The following ARID5B variants were observed in gnomAD, a reference collection of about 807,000 sequenced individuals.
The protein encoded by ARID5B is AT-rich interactive domain-containing protein 5B.
In ARID5B, 13 loss-of-function variants were observed where a neutral mutation model predicts 97.2. The ratio of observed to expected loss-of-function variants is 0.13; its 90% confidence interval spans 0.09 to 0.21. The LOEUF (loss-of-function observed/expected upper bound fraction) is 0.21. ARID5B is among the 10% of genes least tolerant of loss of function. ARID5B has a pLI of 1.00. For missense variants in ARID5B, 1,210 were observed against 1,465.3 expected (o/e 0.83, Z 2.84); for synonymous variants, 556 against 570.3 (o/e 0.97, Z 0.36).
At position 62,010,777 on chromosome 10, in the gene ARID5B, T is replaced by G. The variant is rs74159508; in HGVS notation, c.733+10456T>G. On this transcript the variant is annotated intron_variant, in intron 4 of 9. Coordinates refer to ENST00000279873, the MANE Select transcript of ARID5B (RefSeq NM_032199.3). ...TAGAAAATCAAGGAGCGTACTTAAG[T>G]CAGGACAAATGGTAGCCTGTATCCA... 2.6e-3 allele frequency among the ~76,000 whole-genome samples: 401 copies of G among 152,288 alleles called. 1 individual carries two copies. Among genetic ancestry groups the G allele is most frequent in the African/African-American group, 9.3e-3 (386 of 41,552 alleles).
At chr10:61,920,103 T>C (rs1470526941) in intron 2 of ARID5B, among the ~76,000 whole-genome samples, 1 of 152,148 alleles carries the variant, frequency 6.6e-6, no homozygotes, top group Non-Finnish European at 1.5e-5. Flanking sequence ...TATTGAGATA[T>C]CTCAGTTGTC....
intron 2 of ARID5B, among the ~76,000 whole-genome samples, chr10:61,914,545 G>A (rs929141743): frequency 7.9e-5 from 12 of 152,172 alleles, no homozygotes; most frequent in Non-Finnish European, 1.3e-4. Flanking sequence ...TCTTAAAACC[G>A]AATTCACGCT....
chr10:62,070,619 T>C (rs1332986808), intron 8 of ARID5B, among the ~76,000 whole-genome samples: 1 of 152,248 alleles, frequency 6.6e-6, no homozygotes, highest in Non-Finnish European at 1.5e-5. Flanking sequence ...TTTACTTTTA[T>C]CTGTATTGCA....
At chr10:62,018,353 G>A (rs889759095) in intron 4 of ARID5B, among the ~76,000 whole-genome samples, 3 of 152,160 alleles carry the variant, frequency 2.0e-5, no homozygotes, top group African/African-American at 7.2e-5. Flanking sequence ...GAAACCAGTG[G>A]GAAAGATAAG....
chr10:61,902,819 G>A (rs768906354), intron 2 of ARID5B, among the ~76,000 whole-genome samples: 32 of 151,714 alleles, frequency 2.1e-4, no homozygotes, highest in Non-Finnish European at 4.1e-4. Flanking sequence ...GTGTCTGGGT[G>A]GATTTCTTTC....
At chr10:61,995,183 G>A (rs1838979483) in intron 3 of ARID5B, among the ~76,000 whole-genome samples, 1 of 152,126 alleles carries the variant, frequency 6.6e-6, no homozygotes, top group Non-Finnish European at 1.5e-5. Flanking sequence ...GAAAATCTGT[G>A]TTCCAGGAAC....
intron 4 of ARID5B, among the ~76,000 whole-genome samples, chr10:62,022,369 G>A (rs1381237047): frequency 1.3e-5 from 2 of 152,186 alleles, no homozygotes; most frequent in Non-Finnish European, 2.9e-5. Flanking sequence ...GGAAGATAAG[G>A]GGGAAGGTCC....
In ARID5B at chr10:62,096,319, G is replaced by A. The variant is rs1840469671; in HGVS notation, c.*3289G>A. On this transcript the variant is annotated 3_prime_UTR_variant, in exon 10 of 10. Coordinates refer to ENST00000279873, the MANE Select transcript of ARID5B (RefSeq NM_032199.3). ...CCCACAAAAATATTTTATGTAGTGT[G>A]CCTTCAAAGAGAACCATTTATTTCT... 1 of 233,540 alleles carries A rather than the reference G, an allele frequency of 4.3e-6. No homozygotes were observed. Among genetic ancestry groups the A allele is most frequent in the Non-Finnish European group, 8.5e-6 (1 of 118,044 alleles). 14.5% of individuals were successfully genotyped at this position (233,540 alleles called of 1,614,324 possible).
chr10:61,987,383 C>T (rs145401388), intron 3 of ARID5B, among the ~76,000 whole-genome samples: 32 of 152,334 alleles, frequency 2.1e-4, no homozygotes, highest in Non-Finnish European at 4.0e-4. Flanking sequence ...AGACATGCTA[C>T]AGACCTAGCT....
chr10:62,035,858 C>A (rs1361770735), intron 4 of ARID5B, among the ~76,000 whole-genome samples: 1 of 151,988 alleles, frequency 6.6e-6, no homozygotes, highest in Non-Finnish European at 1.5e-5. Context: ...GAGTCTCGAT[C>A]TTGTCACCCA....
chr10:61,953,204 CAAAG>C (rs1838347188), intron 3 of ARID5B, among the ~76,000 whole-genome samples: 1 of 152,102 alleles, frequency 6.6e-6, no homozygotes, highest in Admixed American at 6.6e-5. Flanking sequence ...CTTTTGTTCA[CAAAG>C]AAAGTATTCT....
At chr10:62,006,118 T>G (rs942824160) in intron 4 of ARID5B, among the ~76,000 whole-genome samples, 1 of 152,176 alleles carries the variant, frequency 6.6e-6, no homozygotes. Context: ...GTTTTGGAAA[T>G]TTTCTAGAGG....
At chr10:62,027,318 T>C (rs1330738734) in intron 4 of ARID5B, among the ~76,000 whole-genome samples, 1 of 109,254 alleles carries the variant, frequency 9.2e-6, no homozygotes, top group Admixed American at 1.2e-4. Flanking sequence ...TTTTTTTTTT[T>C]TTTTTTTTGA....
At chr10:62,062,352 T>G (rs557275938) in intron 7 of ARID5B, among the ~76,000 whole-genome samples, 1 of 152,360 alleles carries the variant, frequency 6.6e-6, no homozygotes, top group East Asian at 1.9e-4. Context: ...ATAGGGCTCA[T>G]GTTTTTAATG....
At chr10:62,026,076 T>G (rs1470939301) in intron 4 of ARID5B, among the ~76,000 whole-genome samples, 1 of 152,242 alleles carries the variant, frequency 6.6e-6, no homozygotes, top group Non-Finnish European at 1.5e-5. Context: ...ACCACCCTCT[T>G]TCACTCTTTC....
chr10:62,086,704 A>AC (rs1281071438), intron 9 of ARID5B, among the ~76,000 whole-genome samples: 15 of 143,760 alleles, frequency 1.0e-4, no homozygotes, highest in South Asian at 4.7e-4. Context: ...AAAAAAAAAA[A>AC]AAAAAAAATA....
chr10:61,982,559 A>G (rs1442971895), intron 3 of ARID5B, among the ~76,000 whole-genome samples: 4 of 152,256 alleles, frequency 2.6e-5, no homozygotes, highest in African/African-American at 9.6e-5. Flanking sequence ...TTACAGCTAA[A>G]GAAAAGTAGT....
intron 6 of ARID5B, among the ~76,000 whole-genome samples, chr10:62,057,712 T>G (rs1406650842): frequency 6.6e-6 from 1 of 152,162 alleles, no homozygotes; most frequent in African/African-American, 2.4e-5. Context: ...CATTTAAAGA[T>G]GGACAAAACA....
intron 4 of ARID5B, chr10:62,024,656 A>ATT: frequency 2.6e-6 from 1 of 383,506 alleles, no homozygotes. Flanking sequence ...ATATTTTCTG[A>ATT]TTTTTTTTTC....
Sources: allele counts gnomAD v4.1 joint callset (sites outside exome capture counted in the v4.1 genomes callset), GRCh38; gene constraint gnomAD v4.1.1; transcripts MANE v1.5; gene names NCBI Gene and HGNC (gene_info 2026-07-23, HGNC 2026-07-21).